Variants in ANGEL2 observed in about 807,000 individuals in gnomAD.
The protein encoded by ANGEL2 is RNA 2',3'-cyclic phosphatase ANGEL2.
ANGEL2 carries 41 observed loss-of-function variants against 66.0 expected under a neutral mutation model. That is an observed-to-expected ratio of 0.62 (90% CI 0.48 to 0.81). The LOEUF (loss-of-function observed/expected upper bound fraction) is 0.81. ANGEL2 is among the 30% of genes least tolerant of loss of function. The pLI, the probability that ANGEL2 is intolerant of heterozygous loss-of-function variation, is 0.00. For synonymous variants in ANGEL2, 208 were observed against 226.5 expected, an observed-to-expected ratio of 0.92 and a Z score of 0.73; for missense variants, 561 against 641.6, an observed-to-expected ratio of 0.87 and a Z score of 1.36.
At chr1:213,010,051 C>CA (rs57723014) in intron 2 of ANGEL2, among the ~76,000 whole-genome samples, 573 of 51,044 alleles carry the variant, frequency 0.011, 3 homozygotes, top group East Asian at 0.027. Flanking sequence ...GACTCCAACT[C>CA]AAAAAAAAAA....
At chr1:213,014,313 G>A (rs534216947) in intron 1 of ANGEL2, among the ~76,000 whole-genome samples, 4 of 152,252 alleles carry the variant, frequency 2.6e-5, no homozygotes, top group South Asian at 2.1e-4. Context: ...AATAATGTGC[G>A]CTCCCATCCC....
At chr1:213,003,293 G>A (rs912794157) in intron 5 of ANGEL2, among the ~76,000 whole-genome samples, 2 of 152,196 alleles carry the variant, frequency 1.3e-5, no homozygotes, top group African/African-American at 4.8e-5. Context: ...CACTGGAGTA[G>A]CACTTCTAAC....
At chr1:213,000,292 T>A in intron 7 of ANGEL2, 34 bp downstream of exon 7, 1 of 1,564,284 alleles carries the variant, frequency 6.4e-7, no homozygotes, top group Non-Finnish European at 8.8e-7. Context: ...CAACTAAAGT[T>A]AGCAAATGTC....
chr1:213,012,679 T>C (rs533677525), intron 2 of ANGEL2, among the ~76,000 whole-genome samples: 3 of 152,224 alleles, frequency 2.0e-5, no homozygotes, highest in Non-Finnish European at 4.4e-5. Flanking sequence ...TCGTCTTCCA[T>C]AAAAATGTTA....
Position 213,005,240 on chromosome 1 carries a change from C to T in ANGEL2, c.927G>A (p.Thr309=), listed in dbSNP as rs374763589. Residue 309 remains threonine, a synonymous_variant, in exon 5 of 9, where the codon ACG becomes ACA. Transcript: ENST00000366962. ...CTCGCCTTGGATTATACAACAGATG[C>T]GTATTTGCTACGCAGATTGCAGGGC... is the stretch of plus-strand genomic sequence containing the variant. ...AACPAICVAN[T]HLLYNPRRGD... 2.1e-5 allele frequency: 34 copies of T among 1,614,104 alleles called. No homozygotes were observed. The highest frequency in any genetic ancestry group is 1.6e-4 in the Middle Eastern group (1 of 6,084).
chr1:212,999,167 C>A (rs1222792539), intron 7 of ANGEL2, among the ~76,000 whole-genome samples: 1 of 152,114 alleles, frequency 6.6e-6, no homozygotes, highest in Middle Eastern at 3.2e-3. Flanking sequence ...CCACCACGCC[C>A]GGCCAGAATG....
Position 212,995,004 on chromosome 1 carries a change from C to A in ANGEL2, c.*37G>T. 1 of 1,554,378 alleles carries A rather than the reference C, an allele frequency of 6.4e-7. No homozygotes were observed. Among genetic ancestry groups the A allele is most frequent in the Non-Finnish European group, 8.7e-7 (1 of 1,149,866 alleles). On this transcript the variant is annotated 3_prime_UTR_variant, in exon 9 of 9. Coordinates refer to ENST00000366962, the MANE Select transcript of ANGEL2 (RefSeq NM_144567.5). ...ACTTTACATTCTTTGAAAAACAATACAAATTGGAAAGAAAATTAGTATGTG... is the reference window on the plus strand; with the variant it reads ...ACTTTACATTCTTTGAAAAACAATAAAAATTGGAAAGAAAATTAGTATGTG...
rs768694278 is a variant in ANGEL2 at position 213,015,704 on chromosome 1, C to A, written c.-33G>T. 1 of 1,614,138 alleles carries A rather than the reference C, an allele frequency of 6.2e-7. No individual in the cohort carries two copies. The highest frequency in any genetic ancestry group is 8.5e-7 in the Non-Finnish European group (1 of 1,180,024). ...CTCCGCGTGCGTCCAGTTCCCAGGC[C>A]CCGGGTTCCACCTCAATCTCTATAA... On this transcript the variant is annotated 5_prime_UTR_variant, in exon 1 of 9. Coordinates refer to ENST00000366962, the MANE Select transcript of ANGEL2 (RefSeq NM_144567.5).
At position 212,993,696 on chromosome 1, in the gene ANGEL2, T is replaced by C. The variant is rs149317867; in HGVS notation, c.*1345A>G. Reference sequence around the variant, plus strand: ...ATTAAACCTGCTCATAACCACTTCATAGAAAGTGTCAGCACCATCTCATAC... The same window carrying C: ...ATTAAACCTGCTCATAACCACTTCACAGAAAGTGTCAGCACCATCTCATAC... On this transcript the variant is annotated 3_prime_UTR_variant, in exon 9 of 9. Coordinates refer to ENST00000366962, the MANE Select transcript of ANGEL2 (RefSeq NM_144567.5). 2 of 152,318 alleles carry C rather than the reference T, an allele frequency of 1.3e-5. No homozygotes were observed. Among genetic ancestry groups the C allele is most frequent in the East Asian group, 1.9e-4 (1 of 5,186 alleles). The allele number at this position is 152,318 out of a possible 1,614,324, so 9.4% of individuals were successfully genotyped here. A position where few individuals can be genotyped will look rare whatever the true frequency, so the allele number is the denominator to read the frequency against.
chr1:213,015,484 C>G (rs1385287198), intron 1 of ANGEL2, 129 bp downstream of exon 1: 1 of 1,489,902 alleles, frequency 6.7e-7, no homozygotes, highest in Non-Finnish European at 8.9e-7. Flanking sequence ...GCACCATCGC[C>G]CAGACCCTCT....
intron 7 of ANGEL2, among the ~76,000 whole-genome samples, chr1:212,997,920 C>T (rs1162980145): frequency 6.6e-6 from 1 of 151,956 alleles, no homozygotes; most frequent in African/African-American, 2.4e-5. Flanking sequence ...ACTTATCCAA[C>T]AAACATTTAC....
chr1:212,996,174 G>A (rs1425558788), intron 8 of ANGEL2, among the ~76,000 whole-genome samples: 2 of 152,152 alleles, frequency 1.3e-5, no homozygotes, highest in Non-Finnish European at 2.9e-5. Flanking sequence ...GGGCATGGTG[G>A]CGGGCGCCTG....
At chr1:213,003,344 T>C (rs2076230998) in intron 5 of ANGEL2, among the ~76,000 whole-genome samples, 1 of 151,918 alleles carries the variant, frequency 6.6e-6, no homozygotes, top group Non-Finnish European at 1.5e-5. Flanking sequence ...ACTTTGCTGT[T>C]TGGTGCAAGA....
In ANGEL2 at chr1:212,995,024, T is replaced by C. The variant is rs771749701; in HGVS notation, c.*17A>G. On this transcript the variant is annotated 3_prime_UTR_variant, in exon 9 of 9. Coordinates refer to ENST00000366962, the MANE Select transcript of ANGEL2 (RefSeq NM_144567.5). Reference sequence around the variant, plus strand: ...CAATACAAATTGGAAAGAAAATTAGTATGTGATCAAAGAGAGTCAGAGCTC... The same window carrying C: ...CAATACAAATTGGAAAGAAAATTAGCATGTGATCAAAGAGAGTCAGAGCTC... 5 of 1,583,124 alleles carry C rather than the reference T, an allele frequency of 3.2e-6. No individual in the cohort carries two copies. Among genetic ancestry groups the C allele is most frequent in the African/African-American group, 2.7e-5 (2 of 73,578 alleles).
intron 8 of ANGEL2, 148 bp from the exon 9 acceptor site, chr1:212,995,340 CT>C: frequency 1.8e-6 from 1 of 542,676 alleles, no homozygotes; most frequent in Non-Finnish European, 3.1e-6. Flanking sequence ...AATATCTAAG[CT>C]TTATTGAATT....
In ANGEL2 at chr1:212,998,169, T is replaced by C. The variant is rs370542701; in HGVS notation, c.1320-851A>G. ...ACTTTGGGAAGCCAAGGCGGGAAGATTGCTTGAGCTCAGGAGCTCGAGACC... is the reference window on the plus strand; with the variant it reads ...ACTTTGGGAAGCCAAGGCGGGAAGACTGCTTGAGCTCAGGAGCTCGAGACC... On this transcript the variant is annotated intron_variant, in intron 7 of 8. Coordinates refer to ENST00000366962, the MANE Select transcript of ANGEL2 (RefSeq NM_144567.5). Among the ~76,000 whole-genome samples the C allele has an allele frequency of 2.8e-4, 43 of 152,012 alleles. 1 individual carries two copies. The East Asian group carries it at 6.0e-3, about 21-fold the overall frequency.
chr1:212,998,902 C>T (rs761380809), intron 7 of ANGEL2, among the ~76,000 whole-genome samples: 1 of 151,344 alleles, frequency 6.6e-6, no homozygotes, highest in South Asian at 2.1e-4. Flanking sequence ...ATTATTGAGA[C>T]GGAGGCTTGC....
chr1:213,012,041 G>A (rs2076522191), intron 2 of ANGEL2, among the ~76,000 whole-genome samples: 1 of 152,170 alleles, frequency 6.6e-6, no homozygotes, highest in Non-Finnish European at 1.5e-5. Flanking sequence ...ATTTCTACAA[G>A]TGTTTTTTTC....
chr1:213,006,937 TTA>T, intron 4 of ANGEL2, 190 bp downstream of exon 4: 2 of 437,684 alleles, frequency 4.6e-6, no homozygotes, highest in Non-Finnish European at 8.0e-6. Context: ...ATAAAAAAAA[TTA>T]AATAATTGGC....
Sources: allele counts gnomAD v4.1 joint callset (sites outside exome capture counted in the v4.1 genomes callset), GRCh38; gene constraint gnomAD v4.1.1; transcripts MANE v1.5; gene names NCBI Gene and HGNC (gene_info 2026-07-23, HGNC 2026-07-21).